EPS15: variants seen among roughly 807,000 people sequenced by gnomAD.
EPS15 encodes the protein epidermal growth factor receptor pathway substrate 15.
In EPS15, 72 loss-of-function variants were observed where a neutral mutation model predicts 113.8. That is an observed-to-expected ratio of 0.63 (90% CI 0.52 to 0.77). The LOEUF is 0.77. EPS15 is among the 30% of genes least tolerant of loss of function. The pLI is 0.00. For synonymous variants in EPS15, 344 were observed against 363.4 expected (o/e 0.95, Z 0.61); for missense variants, 1,048 against 1,045.8 (o/e 1.00, Z -0.03).
intron 20 of EPS15, among the ~76,000 whole-genome samples, chr1:51,398,071 T>G (rs1307056723): frequency 6.6e-6 from 1 of 151,804 alleles, no homozygotes; most frequent in African/African-American, 2.4e-5. Flanking sequence ...TTTTTTTTTT[T>G]GAGACGGAGT....
intron 1 of EPS15, among the ~76,000 whole-genome samples, chr1:51,512,253 C>A (rs1445325733): frequency 6.6e-6 from 1 of 151,928 alleles, no homozygotes; most frequent in East Asian, 1.9e-4. Flanking sequence ...TCAATAATAC[C>A]CAAGAAGTCT....
intron 11 of EPS15, among the ~76,000 whole-genome samples, chr1:51,444,028 CTA>C (rs1004301662): frequency 4.6e-5 from 7 of 152,092 alleles, no homozygotes; most frequent in African/African-American, 1.7e-4. Context: ...CCAAAATATT[CTA>C]TGATATTTTA....
intron 12 of EPS15, among the ~76,000 whole-genome samples, chr1:51,434,560 G>A (rs1293830796): frequency 6.6e-6 from 1 of 152,214 alleles, no homozygotes; most frequent in African/African-American, 2.4e-5. Flanking sequence ...GGGAAAATGG[G>A]AGGGAGTAGA....
intron 5 of EPS15, among the ~76,000 whole-genome samples, chr1:51,467,646 T>TAGCA (rs1365626202): frequency 3.3e-5 from 5 of 152,176 alleles, no homozygotes; most frequent in African/African-American, 1.2e-4. Flanking sequence ...CTGAGCTGTA[T>TAGCA]AGCAGGAGGT....
chr1:51,464,846 G>A (rs2148504112), intron 6 of EPS15, among the ~76,000 whole-genome samples: 1 of 152,304 alleles, frequency 6.6e-6, no homozygotes, highest in South Asian at 2.1e-4. Context: ...AAGTTTTATA[G>A]TACGATATGA....
In EPS15 at chr1:51,478,204, T is replaced by C. The variant is rs534819582; in HGVS notation, c.75+3069A>G. Among the ~76,000 whole-genome samples the C allele has an allele frequency of 2.0e-5, 3 of 152,328 alleles. No homozygotes were observed. The East Asian group carries it at 5.8e-4, about 29-fold the overall frequency. ...TGTTGAATTGATCCCTTTACCATTATGTAATGGCCTTCTTTGTCTCTTTTG... is the reference window on the plus strand; with the variant it reads ...TGTTGAATTGATCCCTTTACCATTACGTAATGGCCTTCTTTGTCTCTTTTG... On this transcript the variant is annotated intron_variant, in intron 2 of 24. Coordinates refer to ENST00000371733, the MANE Select transcript of EPS15 (RefSeq NM_001981.3).
At chr1:51,442,170 C>A (rs780539883) in intron 11 of EPS15, among the ~76,000 whole-genome samples, 6 of 152,116 alleles carry the variant, frequency 3.9e-5, no homozygotes, top group Non-Finnish European at 8.8e-5. Flanking sequence ...CTGAATGTGA[C>A]AATTATTCAC....
At chr1:51,468,677 G>A in intron 4 of EPS15, 109 bp from the exon 5 acceptor site, 11 of 691,272 alleles carry the variant, frequency 1.6e-5, no homozygotes, top group South Asian at 6.0e-5. Flanking sequence ...TTACTACAGA[G>A]GTCTTATGTA....
intron 10 of EPS15, among the ~76,000 whole-genome samples, chr1:51,445,637 G>C (rs1652978337): frequency 1.3e-5 from 2 of 149,852 alleles, no homozygotes; most frequent in African/African-American, 4.9e-5. Context: ...TTCTTTTTCT[G>C]TAATTAAAAA....
intron 13 of EPS15, among the ~76,000 whole-genome samples, chr1:51,414,982 CAT>C (rs1650073299): frequency 6.6e-6 from 1 of 152,042 alleles, no homozygotes; most frequent in South Asian, 2.1e-4. Context: ...ACCATGAACC[CAT>C]GTTACTTTTA....
chr1:51,501,134 G>A (rs1644404280), intron 1 of EPS15, among the ~76,000 whole-genome samples: 1 of 152,116 alleles, frequency 6.6e-6, no homozygotes, highest in Admixed American at 6.5e-5. Context: ...TTGGCTGGGT[G>A]TGGTGGCTCA....
intron 20 of EPS15, among the ~76,000 whole-genome samples, chr1:51,396,631 G>C (rs1183371115): frequency 6.6e-6 from 1 of 152,098 alleles, no homozygotes; most frequent in Admixed American, 6.5e-5. Flanking sequence ...ATGTGTGTCA[G>C]GTTTAGTTTC....
intron 2 of EPS15, among the ~76,000 whole-genome samples, chr1:51,474,796 A>G (rs1311357002): frequency 6.6e-6 from 1 of 151,470 alleles, no homozygotes. Flanking sequence ...CTCGTCATTT[A>G]CATTAGGTAT....
intron 5 of EPS15, among the ~76,000 whole-genome samples, chr1:51,468,131 A>G (rs1654983210): frequency 6.6e-6 from 1 of 151,928 alleles, no homozygotes; most frequent in Non-Finnish European, 1.5e-5. Context: ...GCTAAATTTT[A>G]GATTTTTTTG....
In EPS15 at chr1:51,475,364, C is replaced by T. The variant is rs147535109; in HGVS notation, c.76-2416G>A. ...ATCTGTTTCCTGACTTTTTAATGAT[C>T]GCCATTCTAACTGGTGTGAGATGGT... On this transcript the variant is annotated intron_variant, in intron 2 of 24. Coordinates refer to ENST00000371733, the MANE Select transcript of EPS15 (RefSeq NM_001981.3). Among the ~76,000 whole-genome samples the T allele has an allele frequency of 5.8e-3, 882 of 152,222 alleles. 4 individuals carry two copies. The highest frequency in any genetic ancestry group is 0.019 in the African/African-American group (788 of 41,542).
Position 51,358,717 on chromosome 1 carries a change from T to TTG in EPS15, c.2545-1872_2545-1871insCA, listed in dbSNP as rs1553184497. ...CAGATTTGTTTTTTTTTGTTTTTTTTTTTTTTTTTGAGGCGGAGTCTCGCT... is the reference window on the plus strand; with the variant it reads ...CAGATTTGTTTTTTTTTGTTTTTTTTTGTTTTTTTTTGAGGCGGAGTCTCGCT... On this transcript the variant is annotated intron_variant, in intron 24 of 24. Coordinates refer to ENST00000371733, the MANE Select transcript of EPS15 (RefSeq NM_001981.3). Among the ~76,000 whole-genome samples, 49 of 150,006 alleles carry TTG rather than the reference T, an allele frequency of 3.3e-4. 1 individual carries two copies. Among genetic ancestry groups the TTG allele is most frequent in the Admixed American group, 2.7e-3 (41 of 15,140 alleles).
intron 12 of EPS15, among the ~76,000 whole-genome samples, chr1:51,426,037 A>C (rs1026938448): frequency 7.9e-5 from 12 of 152,116 alleles, no homozygotes. Flanking sequence ...TACTTTTAGA[A>C]ATTCATTATA....
At chr1:51,405,733 A>G (rs866143844) in intron 16 of EPS15, among the ~76,000 whole-genome samples, 172 bp downstream of exon 16, 20 of 150,522 alleles carry the variant, frequency 1.3e-4, no homozygotes, top group African/African-American at 5.0e-4. Flanking sequence ...TTATCTTTTT[A>G]TACTAGTTAA....
At chr1:51,461,381 C>T (rs1370207251) in intron 7 of EPS15, among the ~76,000 whole-genome samples, 1 of 151,862 alleles carries the variant, frequency 6.6e-6, no homozygotes, top group Non-Finnish European at 1.5e-5. Flanking sequence ...ATTAGCTGGG[C>T]ATGGTGGCAT....
Sources: allele counts gnomAD v4.1 joint callset (sites outside exome capture counted in the v4.1 genomes callset), GRCh38; gene constraint gnomAD v4.1.1; transcripts MANE v1.5; gene names NCBI Gene and HGNC (gene_info 2026-07-23, HGNC 2026-07-21).